The following SLCO1B1 variants were observed in gnomAD, a reference collection of about 807,000 sequenced individuals.
The protein encoded by SLCO1B1 is solute carrier organic anion transporter family member 1B1.
Under a neutral mutation model 70.1 loss-of-function variants are expected in SLCO1B1, and 81 were observed. The observed-to-expected ratio is 1.16, with a 90% CI of 0.97 to 1.39. SLCO1B1 has a LOEUF of 1.39. Ranked by LOEUF, SLCO1B1 falls within the 40% of genes most tolerant of loss-of-function variation. The pLI is 0.00. For synonymous variants in SLCO1B1, 283 were observed against 271.5 expected, an observed-to-expected ratio of 1.04 and a Z score of -0.42; for missense variants, 895 against 799.6, an observed-to-expected ratio of 1.12 and a Z score of -1.44.
chr12:21,176,286 T>C (rs1437284229), intron 4 of SLCO1B1, among the ~76,000 whole-genome samples: 2 of 152,130 alleles, frequency 1.3e-5, no homozygotes, highest in Non-Finnish European at 2.9e-5. Flanking sequence ...TATTAACATC[T>C]CTGTTATTCC....
At chr12:21,161,437 C>G (rs915465187) in intron 2 of SLCO1B1, among the ~76,000 whole-genome samples, 1 of 152,040 alleles carries the variant, frequency 6.6e-6, no homozygotes, top group Non-Finnish European at 1.5e-5. Context: ...CATGTTCTCA[C>G]TTATAAGTGG....
intron 14 of SLCO1B1, among the ~76,000 whole-genome samples, chr12:21,234,712 A>C (rs1272589933): frequency 6.6e-6 from 1 of 152,174 alleles, no homozygotes; most frequent in Non-Finnish European, 1.5e-5. Flanking sequence ...TGTTGAAGCT[A>C]TATCCTAGAG....
intron 2 of SLCO1B1, among the ~76,000 whole-genome samples, chr12:21,159,695 T>C (rs1940588710): frequency 6.6e-6 from 1 of 152,140 alleles, no homozygotes; most frequent in Non-Finnish European, 1.5e-5. Flanking sequence ...TAAGTCAAAC[T>C]ATCCCTGTTT....
At chr12:21,151,812 A>AT (rs1163004521) in intron 2 of SLCO1B1, among the ~76,000 whole-genome samples, 10 of 151,638 alleles carry the variant, frequency 6.6e-5, no homozygotes, top group Non-Finnish European at 1.0e-4. Context: ...TTCTTTTGGG[A>AT]TTTTTTTCCT....
chr12:21,192,282 T>G (rs199973066), intron 7 of SLCO1B1, among the ~76,000 whole-genome samples: 1 of 152,012 alleles, frequency 6.6e-6, no homozygotes, highest in African/African-American at 2.4e-5. Flanking sequence ...TAATTCAATA[T>G]TTTTACTGGT....
chr12:21,232,038 A>C (rs1941544410), intron 14 of SLCO1B1, among the ~76,000 whole-genome samples: 1 of 152,122 alleles, frequency 6.6e-6, no homozygotes, highest in African/African-American at 2.4e-5. Flanking sequence ...TTTTTACAAG[A>C]TCTAGAATCT....
At chr12:21,224,552 C>G (rs1259891241) in intron 13 of SLCO1B1, among the ~76,000 whole-genome samples, 170 bp from the exon 14 acceptor site, 2 of 152,084 alleles carry the variant, frequency 1.3e-5, no homozygotes, top group African/African-American at 2.4e-5. Context: ...TGATTTGGGT[C>G]TTTGAGATTT....
At chr12:21,140,331 G>A (rs993634735) in intron 1 of SLCO1B1, among the ~76,000 whole-genome samples, 1 of 151,900 alleles carries the variant, frequency 6.6e-6, no homozygotes, top group Non-Finnish European at 1.5e-5. Context: ...AATATGTATT[G>A]TTTACATACA....
chr12:21,236,066 G>C (rs1443300836), intron 14 of SLCO1B1, among the ~76,000 whole-genome samples: 1 of 152,074 alleles, frequency 6.6e-6, no homozygotes, highest in East Asian at 1.9e-4. Flanking sequence ...TCATACTATA[G>C]TATGTTTTGT....
intron 8 of SLCO1B1, among the ~76,000 whole-genome samples, chr12:21,199,123 A>G (rs1483478167): frequency 2.7e-5 from 4 of 150,878 alleles, no homozygotes; most frequent in African/African-American, 9.8e-5. Context: ...AACTCCTTCT[A>G]CTCCTTATTT....
intron 7 of SLCO1B1, among the ~76,000 whole-genome samples, chr12:21,186,622 A>G (rs1349524594): frequency 1.3e-5 from 2 of 152,022 alleles, no homozygotes; most frequent in Non-Finnish European, 2.9e-5. Flanking sequence ...TCAGCTGCCC[A>G]TTGTTTCAAT....
chr12:21,199,347 G>A (rs1282080904), intron 8 of SLCO1B1, among the ~76,000 whole-genome samples: 1 of 152,086 alleles, frequency 6.6e-6, no homozygotes, highest in East Asian at 1.9e-4. Flanking sequence ...TCCTATTACA[G>A]CTAGTTGACC....
intron 2 of SLCO1B1, among the ~76,000 whole-genome samples, chr12:21,167,158 G>T (rs115485578): frequency 0.014 from 2,103 of 152,136 alleles, 24 homozygotes; most frequent in African/African-American, 0.026. Flanking sequence ...AAAAAACATG[G>T]TAGAGATCAT....
At chr12:21,202,094 C>A (rs888756599) in intron 9 of SLCO1B1, among the ~76,000 whole-genome samples, 1 of 152,032 alleles carries the variant, frequency 6.6e-6, no homozygotes, top group Non-Finnish European at 1.5e-5. Flanking sequence ...TCATTCTCAG[C>A]AAACTAACAC....
At chr12:21,207,255 T>C (rs1941225304) in intron 11 of SLCO1B1, among the ~76,000 whole-genome samples, 1 of 152,014 alleles carries the variant, frequency 6.6e-6, no homozygotes, top group Non-Finnish European at 1.5e-5. Context: ...GTGAGCATAA[T>C]ACCCAATAAG....
At chr12:21,212,572 T>A (rs1437792180) in intron 11 of SLCO1B1, among the ~76,000 whole-genome samples, 1 of 114,326 alleles carries the variant, frequency 8.7e-6, no homozygotes, top group Middle Eastern at 3.8e-3. Flanking sequence ...TGTAGATGTC[T>A]ATTAGGTCCG....
At chr12:21,212,850 T>G (rs1229027901) in intron 11 of SLCO1B1, among the ~76,000 whole-genome samples, 32 of 151,906 alleles carry the variant, frequency 2.1e-4, no homozygotes, top group East Asian at 5.8e-4. Flanking sequence ...ATCTTTGTTG[T>G]TTTAAAGTCT....
In SLCO1B1 at chr12:21,152,360, G is replaced by A. The variant is rs533804890; in HGVS notation, c.84+10702G>A. Among the ~76,000 whole-genome samples, 15 of 151,616 alleles carry A rather than the reference G, an allele frequency of 9.9e-5. No homozygotes were observed. In the South Asian group the frequency reaches 2.7e-3, roughly 27 times the overall value. ...GTCCAATAAATCCAACATCCTTTCT[G>A]TATCTGAGTTTGGTTCTGATTCTTG... On this transcript the variant is annotated intron_variant, in intron 2 of 14. Transcript: ENST00000256958.
chr12:21,192,218 C>T (rs180782729), intron 7 of SLCO1B1, among the ~76,000 whole-genome samples: 3,430 of 151,804 alleles, frequency 0.023, 63 homozygotes, highest in South Asian at 0.034. Context: ...TTTAGTAACA[C>T]GCACCAGTAA....
Sources: gnomAD v4.1 joint callset for allele counts (sites outside exome capture counted in the v4.1 genomes callset) on GRCh38, gnomAD v4.1.1 for gene constraint, MANE v1.5 for transcripts, NCBI Gene and HGNC (gene_info 2026-07-23, HGNC 2026-07-21) for gene names.